ROBO2: variants seen among roughly 807,000 people sequenced by gnomAD.
ROBO2 encodes roundabout guidance receptor 2, also known as roundabout homolog 2.
Under a neutral mutation model 160.8 loss-of-function variants are expected in ROBO2, and 53 were observed. The ratio of observed to expected loss-of-function variants is 0.33; its 90% CI spans 0.26 to 0.41. ROBO2 has a LOEUF of 0.41. Among genes scored for constraint, ROBO2 ranks in the 10% least tolerant of loss-of-function variants. The pLI is 1.00. For synonymous variants in ROBO2, 664 were observed against 611.7 expected (o/e 1.09, Z -1.26); for missense variants, 1,577 against 1,722.4 (o/e 0.92, Z 1.49).
At chr3:77,584,369 T>G (rs1476465664) in intron 16 of ROBO2, among the ~76,000 whole-genome samples, 1 of 152,142 alleles carries the variant, frequency 6.6e-6, no homozygotes, top group Non-Finnish European at 1.5e-5. Flanking sequence ...TTTTCCCTGC[T>G]TTTATTTGCT....
intron 2 of ROBO2, among the ~76,000 whole-genome samples, chr3:76,126,137 G>GA (rs1559572264): frequency 6.6e-6 from 1 of 152,090 alleles, no homozygotes; most frequent in South Asian, 2.1e-4. Context: ...TTTTAAAGGG[G>GA]AAAAATAGCA....
chr3:76,238,612 A>G (rs921054261), intron 2 of ROBO2, among the ~76,000 whole-genome samples: 2 of 151,018 alleles, frequency 1.3e-5, no homozygotes, highest in African/African-American at 4.9e-5. Context: ...CCATGATCTA[A>G]TCACCTCCCC....
intron 2 of ROBO2, among the ~76,000 whole-genome samples, chr3:76,990,589 C>G (rs1463050269): frequency 1.3e-5 from 2 of 152,118 alleles, no homozygotes; most frequent in African/African-American, 4.8e-5. Flanking sequence ...CCTCTGGCCC[C>G]CCAACACACG....
At chr3:77,548,119 C>A (rs2092773165) in intron 7 of ROBO2, among the ~76,000 whole-genome samples, 2 of 151,036 alleles carry the variant, frequency 1.3e-5, no homozygotes, top group Admixed American at 1.3e-4. Flanking sequence ...CACACATAAA[C>A]ACACACCACT....
At chr3:77,332,971 T>C (rs1447448745) in intron 2 of ROBO2, among the ~76,000 whole-genome samples, 1 of 152,184 alleles carries the variant, frequency 6.6e-6, no homozygotes. Flanking sequence ...GCAGAAAATG[T>C]GTCTGTGATG....
intron 2 of ROBO2, among the ~76,000 whole-genome samples, chr3:77,173,896 T>A (rs565162893): frequency 2.9e-4 from 44 of 152,198 alleles, no homozygotes; most frequent in Non-Finnish European, 4.7e-4. Context: ...AAATTGCTTT[T>A]GACTCCAAAC....
intron 2 of ROBO2, among the ~76,000 whole-genome samples, chr3:75,999,851 A>T (rs976022086): frequency 1.3e-5 from 2 of 152,090 alleles, no homozygotes; most frequent in Non-Finnish European, 2.9e-5. Flanking sequence ...AAGACCTTAA[A>T]CTCATCATGT....
At chr3:76,764,168 G>C (rs2061454375) in intron 2 of ROBO2, among the ~76,000 whole-genome samples, 1 of 151,654 alleles carries the variant, frequency 6.6e-6, no homozygotes, top group Non-Finnish European at 1.5e-5. Flanking sequence ...TAATCTCCCT[G>C]TTGCTTTCTC....
At chr3:76,861,660 A>G (rs1366004432) in intron 2 of ROBO2, among the ~76,000 whole-genome samples, 1 of 152,196 alleles carries the variant, frequency 6.6e-6, no homozygotes, top group Non-Finnish European at 1.5e-5. Flanking sequence ...AGAGTGGTGT[A>G]TATAACTACC....
chr3:76,330,670 A>G (rs187604406), intron 2 of ROBO2, among the ~76,000 whole-genome samples: 60 of 152,344 alleles, frequency 3.9e-4, no homozygotes, highest in Admixed American at 2.6e-4. Context: ...TTGAATTTCA[A>G]TGGCCCATCC....
intron 2 of ROBO2, among the ~76,000 whole-genome samples, chr3:76,620,271 T>C (rs551213574): frequency 6.6e-6 from 1 of 152,348 alleles, no homozygotes; most frequent in Admixed American, 6.5e-5. Flanking sequence ...AACATTAATG[T>C]ACTCTATGAA....
At chr3:77,293,635 T>C (rs2061605269) in intron 2 of ROBO2, among the ~76,000 whole-genome samples, 1 of 139,750 alleles carries the variant, frequency 7.2e-6, no homozygotes, top group African/African-American at 2.9e-5. Context: ...GTTAAACGGG[T>C]AAGCTGAGGC....
At chr3:76,441,899 T>C (rs1403192821) in intron 2 of ROBO2, among the ~76,000 whole-genome samples, 2 of 152,180 alleles carry the variant, frequency 1.3e-5, no homozygotes, top group Non-Finnish European at 2.9e-5. Flanking sequence ...ATTGTATTGG[T>C]ATCTGCCTTT....
chr3:77,218,436 G>A (rs556246940), intron 2 of ROBO2, among the ~76,000 whole-genome samples: 32 of 150,130 alleles, frequency 2.1e-4, no homozygotes, highest in South Asian at 8.4e-4. Flanking sequence ...GTGCAGTGGC[G>A]TGATCTTGGC....
chr3:75,949,441 T>C (rs1002885640), intron 2 of ROBO2, among the ~76,000 whole-genome samples: 6 of 152,116 alleles, frequency 3.9e-5, no homozygotes, highest in Non-Finnish European at 7.4e-5. Context: ...GAAGTCCCTT[T>C]TGAGGTTACT....
intron 2 of ROBO2, among the ~76,000 whole-genome samples, chr3:76,084,089 G>A (rs1338555459): frequency 6.6e-6 from 1 of 152,128 alleles, no homozygotes; most frequent in Non-Finnish European, 1.5e-5. Context: ...CTAGGAAAAA[G>A]CAGACACTTT....
chr3:76,178,376 GA>G (rs1559616294), intron 2 of ROBO2, among the ~76,000 whole-genome samples: 2 of 151,940 alleles, frequency 1.3e-5, no homozygotes, highest in Admixed American at 6.6e-5. Context: ...ACTCTAGAGG[GA>G]AAAAAAGGAG....
chr3:77,264,596 T>C (rs1415434670), intron 2 of ROBO2, among the ~76,000 whole-genome samples: 1 of 152,152 alleles, frequency 6.6e-6, no homozygotes, highest in Non-Finnish European at 1.5e-5. Context: ...ATCCTTTAGT[T>C]TGTCAACTGG....
At chr3:77,024,909 A>C (rs1451995021) in intron 2 of ROBO2, among the ~76,000 whole-genome samples, 1 of 152,108 alleles carries the variant, frequency 6.6e-6, no homozygotes, top group Admixed American at 6.6e-5. Flanking sequence ...CACAAGTATT[A>C]GTGAAATGAC....
Sources: allele counts gnomAD v4.1 joint callset (sites outside exome capture counted in the v4.1 genomes callset), GRCh38; gene constraint gnomAD v4.1.1; transcripts MANE v1.5; gene names NCBI Gene and HGNC (gene_info 2026-07-23, HGNC 2026-07-21).